The following LMBR1 variants were observed in gnomAD, a reference collection of about 807,000 sequenced individuals.
LMBR1 encodes limb region 1 protein homolog.
Under a neutral mutation model 73.9 loss-of-function variants are expected in LMBR1, and 52 were observed. That is an observed-to-expected ratio of 0.70 (90% confidence interval 0.56 to 0.89). LMBR1 has a LOEUF of 0.89. Among genes scored for constraint, LMBR1 ranks in the 40% least tolerant of loss-of-function variants. The pLI is 0.00. For synonymous variants in LMBR1, 215 were observed against 209.4 expected (o/e 1.03, Z -0.23); for missense variants, 539 against 579.8 (o/e 0.93, Z 0.72).
chr7:156,688,848 T>A (rs1001937340), intron 15 of LMBR1, among the ~76,000 whole-genome samples: 10 of 152,160 alleles, frequency 6.6e-5, no homozygotes, highest in African/African-American at 2.4e-4. Context: ...GAACAGGAAC[T>A]TTGTTTCACC....
At chr7:156,885,025 T>C (rs1016616271) in intron 1 of LMBR1, among the ~76,000 whole-genome samples, 1 of 152,132 alleles carries the variant, frequency 6.6e-6, no homozygotes, top group African/African-American at 2.4e-5. Flanking sequence ...AGGAGCCAAC[T>C]AAATGGGAAG....
At chr7:156,675,522 G>C (rs1257704562), downstream of LMBR1, among the ~76,000 whole-genome samples, 2 of 152,166 alleles carry the variant, frequency 1.3e-5, no homozygotes, top group Admixed American at 6.5e-5. Context: ...CATCTGTCCA[G>C]ATTATCTGGA....
intron 4 of LMBR1, among the ~76,000 whole-genome samples, chr7:156,816,917 T>C (rs931798719): frequency 6.6e-6 from 1 of 152,192 alleles, no homozygotes; most frequent in South Asian, 2.1e-4. Flanking sequence ...CATTATTTCA[T>C]ATTAATTTGT....
At chr7:156,828,419 A>G (rs1449534730) in intron 3 of LMBR1, among the ~76,000 whole-genome samples, 1 of 152,232 alleles carries the variant, frequency 6.6e-6, no homozygotes, top group East Asian at 1.9e-4. Flanking sequence ...TTTAAAAATT[A>G]CATCTTCAGA....
chr7:156,793,678 T>G (rs554918736), intron 5 of LMBR1, among the ~76,000 whole-genome samples: 1 of 152,308 alleles, frequency 6.6e-6, no homozygotes, highest in Non-Finnish European at 1.5e-5. Context: ...TCTAGAAAAC[T>G]TATTAGTGAT....
At chr7:156,699,433 A>G (rs1471247642) in intron 15 of LMBR1, among the ~76,000 whole-genome samples, 1 of 151,570 alleles carries the variant, frequency 6.6e-6, no homozygotes, top group African/African-American at 2.4e-5. Flanking sequence ...TAAATGTTAG[A>G]CCTAAAACCA....
intron 1 of LMBR1, among the ~76,000 whole-genome samples, chr7:156,860,139 T>G (rs553594381): frequency 6.6e-6 from 1 of 152,304 alleles, no homozygotes; most frequent in South Asian, 2.1e-4. Context: ...AAATAGATTG[T>G]ATTAGTCTGT....
At chr7:156,784,224 G>A (rs540367520) in intron 5 of LMBR1, among the ~76,000 whole-genome samples, 17 of 152,158 alleles carry the variant, frequency 1.1e-4, no homozygotes, top group Non-Finnish European at 2.1e-4. Context: ...CGAGTTTGGG[G>A]CCTCTCACGG....
At chr7:156,860,430 A>T (rs1480505316) in intron 1 of LMBR1, among the ~76,000 whole-genome samples, 2 of 152,176 alleles carry the variant, frequency 1.3e-5, no homozygotes, top group Non-Finnish European at 2.9e-5. Context: ...GGTCCCTCCC[A>T]TGACGTGAGA....
rs144213845 is a variant in LMBR1 at position 156,766,289 on chromosome 7, T to A, written c.424-2494A>T. On this transcript the variant is annotated intron_variant, in intron 5 of 16. Coordinates refer to ENST00000353442, the MANE Select transcript of LMBR1 (RefSeq NM_022458.4). ...TGTTTACTGTCTGGTAGCACAATGTTCACCTCCAAGCAAAGGTTAGACAGG... is the reference window on the plus strand; with the variant it reads ...TGTTTACTGTCTGGTAGCACAATGTACACCTCCAAGCAAAGGTTAGACAGG... Among the ~76,000 whole-genome samples the A allele has an allele frequency of 1.6e-3, 250 of 152,204 alleles. 1 individual carries two copies. The highest frequency in any genetic ancestry group is 6.8e-3 in the Middle Eastern group (2 of 294).
intron 5 of LMBR1, among the ~76,000 whole-genome samples, chr7:156,776,147 AT>A (rs1826101730): frequency 6.6e-6 from 1 of 150,614 alleles, no homozygotes; most frequent in Non-Finnish European, 1.5e-5. Context: ...TTAGGACAAT[AT>A]CTGGTTCTTA....
At chr7:156,810,523 G>C (rs1832914556) in intron 4 of LMBR1, among the ~76,000 whole-genome samples, 1 of 152,144 alleles carries the variant, frequency 6.6e-6, no homozygotes, top group South Asian at 2.1e-4. Flanking sequence ...CTCCCGAGTA[G>C]CTGGGATTAC....
intron 5 of LMBR1, among the ~76,000 whole-genome samples, chr7:156,768,141 T>C (rs1824464960): frequency 6.6e-6 from 1 of 152,056 alleles, no homozygotes; most frequent in Non-Finnish European, 1.5e-5. Flanking sequence ...ATCCCAGCAC[T>C]TTAGGAGGCC....
intron 5 of LMBR1, among the ~76,000 whole-genome samples, chr7:156,789,767 T>C (rs1314417127): frequency 6.6e-6 from 1 of 152,196 alleles, no homozygotes; most frequent in African/African-American, 2.4e-5. Flanking sequence ...AATCTGACAT[T>C]TAATTTTCCT....
intron 5 of LMBR1, among the ~76,000 whole-genome samples, chr7:156,790,940 T>C (rs946227115): frequency 1.4e-4 from 21 of 152,194 alleles, no homozygotes; most frequent in African/African-American, 5.1e-4. Flanking sequence ...AGCTGAAGTA[T>C]CACAGCATTA....
intron 1 of LMBR1, among the ~76,000 whole-genome samples, chr7:156,860,074 C>T (rs764063581): frequency 1.3e-5 from 2 of 152,226 alleles, no homozygotes; most frequent in Non-Finnish European, 2.9e-5. Flanking sequence ...TGGACATCCA[C>T]GTACAACAAA....
chr7:156,733,445 A>G (rs981447105), intron 10 of LMBR1, among the ~76,000 whole-genome samples: 5 of 152,208 alleles, frequency 3.3e-5, no homozygotes, highest in African/African-American at 1.2e-4. Flanking sequence ...GAGACATAAT[A>G]GAAGATACAA....
chr7:156,728,798 T>C (rs1816275077), intron 10 of LMBR1, 78 bp from the exon 11 acceptor site: 2 of 1,009,154 alleles, frequency 2.0e-6, no homozygotes, highest in Admixed American at 4.8e-5. Context: ...TAATCTGTTT[T>C]ATACATAATT....
At position 156,764,209 on chromosome 7, in the gene LMBR1, G is replaced by A. The variant is rs551831891; in HGVS notation, c.424-414C>T. On this transcript the variant is annotated intron_variant, in intron 5 of 16. Coordinates refer to ENST00000353442, the MANE Select transcript of LMBR1 (RefSeq NM_022458.4). ...ATGCTCCGAGCTGCTGGAGAGCGCC[G>A]GCTCTCTCTAGCATGGACTCTGGTG... 3.2e-4 allele frequency among the ~76,000 whole-genome samples: 49 copies of A among 152,246 alleles called. No homozygotes were observed. The East Asian group carries it at 7.1e-3, about 22-fold the overall frequency.
Sources: gnomAD v4.1 joint callset for allele counts (sites outside exome capture counted in the v4.1 genomes callset) on GRCh38, gnomAD v4.1.1 for gene constraint, MANE v1.5 for transcripts, NCBI Gene and HGNC (gene_info 2026-07-23, HGNC 2026-07-21) for gene names.